Variants in PCDH7 observed in about 807,000 individuals in gnomAD.
The protein encoded by PCDH7 is protocadherin-7.
PCDH7 carries 17 observed loss-of-function variants against 58.9 expected under a neutral mutation model. That is an observed-to-expected ratio of 0.29 (90% CI 0.20 to 0.43). The LOEUF is 0.43. Ranked by LOEUF, PCDH7 falls within the 20% of genes least tolerant of loss-of-function variation. The pLI, the probability that PCDH7 is intolerant of heterozygous loss-of-function variation, is 1.00. For missense variants in PCDH7, 1,274 were observed against 1,441.0 expected, an observed-to-expected ratio of 0.88 and a Z score of 1.88; for synonymous variants, 664 against 616.4, an observed-to-expected ratio of 1.08 and a Z score of -1.14.
At chr4:30,933,873 G>A (rs948424748) in intron 2 of PCDH7, among the ~76,000 whole-genome samples, 1 of 152,112 alleles carries the variant, frequency 6.6e-6, no homozygotes, top group Non-Finnish European at 1.5e-5. Context: ...ATGAATACTC[G>A]AGGAAATGGA....
chr4:30,933,872 C>T (rs532787109), intron 2 of PCDH7, among the ~76,000 whole-genome samples: 3 of 152,248 alleles, frequency 2.0e-5, no homozygotes, highest in African/African-American at 4.8e-5. Context: ...TATGAATACT[C>T]GAGGAAATGG....
chr4:30,916,613 C>G lies in PCDH7; in HGVS notation c.71-3540C>G, dbSNP rs867352413. Among the ~76,000 whole-genome samples, 6 of 152,278 alleles carry G rather than the reference C, an allele frequency of 3.9e-5. No individual in the cohort carries two copies. The Middle Eastern group carries it at 0.014, about 345-fold the overall frequency. On this transcript the variant is annotated intron_variant, in intron 1 of 3. Coordinates refer to the PCDH7 transcript ENST00000509759. The stretch of plus-strand genomic sequence containing the variant: ...ACACAAAATCGTTTATCACCCCAGA[C>G]AGAAAAATGCAAAGTTCAGACACTG...
intron 3 of PCDH7, among the ~76,000 whole-genome samples, chr4:31,035,224 CTA>C (rs969128511): frequency 5.9e-5 from 8 of 136,588 alleles, no homozygotes; most frequent in Non-Finnish European, 1.3e-4. Context: ...CAGCAAGCAT[CTA>C]TGTTTTTTTT....
At chr4:30,817,070 A>G (rs1727778933) in intron 1 of PCDH7, among the ~76,000 whole-genome samples, 1 of 152,208 alleles carries the variant, frequency 6.6e-6, no homozygotes, top group Non-Finnish European at 1.5e-5. Context: ...TTGGCTATGC[A>G]ATCTCTATTT....
At chr4:30,968,544 T>C (rs2109470184) in intron 3 of PCDH7, among the ~76,000 whole-genome samples, 1 of 151,712 alleles carries the variant, frequency 6.6e-6, no homozygotes, top group South Asian at 2.1e-4. Flanking sequence ...CTGAACTCCA[T>C]GCTTCTCATC....
At chr4:30,985,303 T>C (rs1044479604) in intron 3 of PCDH7, among the ~76,000 whole-genome samples, 1 of 152,284 alleles carries the variant, frequency 6.6e-6, no homozygotes, top group South Asian at 2.1e-4. Context: ...TTGTTTTGAG[T>C]CAGAAGATCT....
At chr4:30,769,943 A>G (rs1721192929) in intron 1 of PCDH7, among the ~76,000 whole-genome samples, 1 of 152,190 alleles carries the variant, frequency 6.6e-6, no homozygotes, top group Non-Finnish European at 1.5e-5. Flanking sequence ...TGTGCTTTGC[A>G]CCATTAATTG....
chr4:30,916,705 C>T (rs958282994), intron 1 of PCDH7, among the ~76,000 whole-genome samples: 1 of 152,200 alleles, frequency 6.6e-6, no homozygotes, highest in African/African-American at 2.4e-5. Context: ...TCTACTGACT[C>T]TCCCTGGAAA....
intron 3 of PCDH7, among the ~76,000 whole-genome samples, chr4:31,119,566 C>A (rs115298905): frequency 6.6e-6 from 1 of 151,918 alleles, no homozygotes; most frequent in Non-Finnish European, 1.5e-5. Flanking sequence ...AGAGCAGGAA[C>A]GAAAGGAAGA....
intron 1 of PCDH7, among the ~76,000 whole-genome samples, chr4:30,888,595 T>C (rs1738169983): frequency 6.6e-6 from 1 of 152,192 alleles, no homozygotes; most frequent in Non-Finnish European, 1.5e-5. Flanking sequence ...TTTTATAGTA[T>C]TAAGGGATTA....
chr4:31,071,234 C>T (rs1560621118), intron 3 of PCDH7, among the ~76,000 whole-genome samples: 1 of 151,984 alleles, frequency 6.6e-6, no homozygotes, highest in African/African-American at 2.4e-5. Context: ...AGTATTAACT[C>T]ACCGTGAGGC....
intron 1 of PCDH7, among the ~76,000 whole-genome samples, chr4:30,761,872 A>T (rs952545095): frequency 6.6e-6 from 1 of 152,190 alleles, no homozygotes; most frequent in African/African-American, 2.4e-5. Flanking sequence ...TTAGATGTCG[A>T]TTTGCTCAAA....
At chr4:30,859,782 G>C (rs932951509) in intron 1 of PCDH7, among the ~76,000 whole-genome samples, 3 of 152,024 alleles carry the variant, frequency 2.0e-5, no homozygotes, top group Non-Finnish European at 4.4e-5. Context: ...AGTTGAGAAA[G>C]GTAAGAATTT....
At chr4:31,016,787 G>A (rs1258126947) in intron 3 of PCDH7, among the ~76,000 whole-genome samples, 1 of 151,776 alleles carries the variant, frequency 6.6e-6, no homozygotes, top group East Asian at 1.9e-4. Context: ...GGGCTATTGT[G>A]TGTGTGTGTG....
intron 3 of PCDH7, among the ~76,000 whole-genome samples, chr4:31,000,430 T>A (rs1055169900): frequency 2.0e-5 from 3 of 152,040 alleles, no homozygotes; most frequent in African/African-American, 7.2e-5. Context: ...AACAAATAAG[T>A]TGAGTTTTGA....
At chr4:30,824,105 T>A (rs892645745) in intron 1 of PCDH7, among the ~76,000 whole-genome samples, 5 of 136,604 alleles carry the variant, frequency 3.7e-5, no homozygotes, top group African/African-American at 1.1e-4. Context: ...CTTTCTTTCT[T>A]TCTTTCTTTC....
chr4:30,954,811 T>C (rs1203468180), intron 3 of PCDH7, among the ~76,000 whole-genome samples: 1 of 152,136 alleles, frequency 6.6e-6, no homozygotes, highest in Admixed American at 6.5e-5. Flanking sequence ...TAAATTGAGA[T>C]TTTGTTCTAG....
chr4:31,066,024 G>A (rs957959653), intron 3 of PCDH7, among the ~76,000 whole-genome samples: 3 of 151,800 alleles, frequency 2.0e-5, no homozygotes, highest in African/African-American at 7.3e-5. Flanking sequence ...CTGAAAGCTA[G>A]CATCTCATAT....
intron 3 of PCDH7, among the ~76,000 whole-genome samples, chr4:31,037,475 A>G (rs1012528345): frequency 1.2e-4 from 19 of 152,122 alleles, no homozygotes; most frequent in Admixed American, 4.6e-4. Context: ...TCATACTTCT[A>G]TTTGCAAGTC....
Sources: gnomAD v4.1 joint callset for allele counts (sites outside exome capture counted in the v4.1 genomes callset) on GRCh38, gnomAD v4.1.1 for gene constraint, MANE v1.5 for transcripts, NCBI Gene and HGNC (gene_info 2026-07-23, HGNC 2026-07-21) for gene names.